TAS2R1: variants seen among roughly 807,000 people sequenced by gnomAD.
The protein encoded by TAS2R1 is taste 2 receptor member 1, also known as taste receptor type 2 member 1.
For missense variants in TAS2R1, 370 were observed against 353.4 expected (o/e 1.05, Z -0.38); for synonymous variants, 141 against 134.2 (o/e 1.05, Z -0.35).
At chr5:9,716,283 C>T (rs114287650), upstream of TAS2R1, among the ~76,000 whole-genome samples, 984 of 152,226 alleles carry the variant, frequency 6.5e-3, 5 homozygotes, top group African/African-American at 0.022. Context: ...GGGATTCAAT[C>T]TGTGAGGCAG....
At chr5:9,809,568 G>C in the TAS2R1 span, among the ~76,000 whole-genome samples, 2 of 152,040 alleles carry the variant, frequency 1.3e-5, no homozygotes, top group African/African-American at 4.8e-5. Flanking sequence ...GTTACATCCT[G>C]ATCTTGGACC....
At chr5:9,723,818 T>C in the TAS2R1 span, among the ~76,000 whole-genome samples, 1 of 152,236 alleles carries the variant, frequency 6.6e-6, no homozygotes, top group South Asian at 2.1e-4. Context: ...AGCTGCTCTT[T>C]GCTCTCTTAG....
At chr5:9,876,197 C>T in the TAS2R1 span, among the ~76,000 whole-genome samples, 1 of 151,308 alleles carries the variant, frequency 6.6e-6, no homozygotes, top group Non-Finnish European at 1.5e-5. Flanking sequence ...AGGAAGCTGA[C>T]CCCTGACAAC....
chr5:9,860,625 C>A, the TAS2R1 span, among the ~76,000 whole-genome samples: 110,672 of 151,960 alleles, frequency 0.73, 40,338 homozygotes, highest in East Asian at 0.84. Context: ...TTAGGAAAAG[C>A]CTTCAGCCTG....
At chr5:9,811,777 T>C in the TAS2R1 span, among the ~76,000 whole-genome samples, 1 of 152,172 alleles carries the variant, frequency 6.6e-6, no homozygotes, top group Non-Finnish European at 1.5e-5. Flanking sequence ...CATCTGTGTG[T>C]TTCATAGACA....
At chr5:9,816,388 C>T in the TAS2R1 span, among the ~76,000 whole-genome samples, 6 of 151,476 alleles carry the variant, frequency 4.0e-5, no homozygotes, top group Middle Eastern at 3.2e-3. Flanking sequence ...AGTGAAGATT[C>T]GAAGCATTCT....
the TAS2R1 span, among the ~76,000 whole-genome samples, chr5:9,890,864 G>A: frequency 6.6e-6 from 1 of 152,194 alleles, no homozygotes; most frequent in Non-Finnish European, 1.5e-5. Flanking sequence ...AATGTGAGAT[G>A]AAATGATAAT....
intron 2 of TAS2R1, among the ~76,000 whole-genome samples, chr5:9,646,899 CA>C (rs942929999): frequency 2.0e-5 from 3 of 152,140 alleles, no homozygotes; most frequent in African/African-American, 7.2e-5. Context: ...ACAATGAAAA[CA>C]AATGAATACA....
At chr5:9,656,533 G>T in intron 2 of TAS2R1, among the ~76,000 whole-genome samples, 1 of 152,146 alleles carries the variant, frequency 6.6e-6, no homozygotes, top group East Asian at 1.9e-4. Context: ...GACAAGCAGG[G>T]AAAAATAATT....
At chr5:9,637,345 T>C (rs933256723) in intron 2 of TAS2R1, among the ~76,000 whole-genome samples, 6 of 152,232 alleles carry the variant, frequency 3.9e-5, no homozygotes, top group Admixed American at 1.3e-4. Flanking sequence ...TGCTTTTGTT[T>C]CACAGCTCTT....
At chr5:9,641,922 T>C (rs1442867884) in intron 2 of TAS2R1, 2 of 152,184 alleles carry the variant, frequency 1.3e-5, no homozygotes, top group African/African-American at 4.8e-5. Context: ...ACAAATAGCT[T>C]GGAACAGATG....
intron 2 of TAS2R1, among the ~76,000 whole-genome samples, chr5:9,649,823 G>A (rs767099270): frequency 8.5e-5 from 13 of 152,140 alleles, no homozygotes; most frequent in Admixed American, 7.2e-4. Context: ...AAACAGATGA[G>A]TTAATATCTG....
At chr5:9,811,519 T>A in the TAS2R1 span, among the ~76,000 whole-genome samples, 1 of 152,160 alleles carries the variant, frequency 6.6e-6, no homozygotes, top group Non-Finnish European at 1.5e-5. Flanking sequence ...TTCCTGAGCC[T>A]CGTCTTACAC....
chr5:9,749,560 A>C, the TAS2R1 span, among the ~76,000 whole-genome samples: 1 of 152,234 alleles, frequency 6.6e-6, no homozygotes, highest in Non-Finnish European at 1.5e-5. Flanking sequence ...AGGCTGAGCC[A>C]GGAACAAAAT....
intron 1 of TAS2R1, among the ~76,000 whole-genome samples, chr5:9,667,613 G>A (rs1328971108): frequency 6.6e-6 from 1 of 152,182 alleles, no homozygotes; most frequent in Non-Finnish European, 1.5e-5. Flanking sequence ...GACACATGGA[G>A]CAGAACACCC....
the TAS2R1 span, among the ~76,000 whole-genome samples, chr5:9,832,958 T>A: frequency 7.9e-5 from 12 of 152,268 alleles, no homozygotes; most frequent in South Asian, 2.5e-3. Flanking sequence ...ACATCAGACA[T>A]CAATCAATAT....
At chr5:9,652,094 T>G (rs1226043337) in intron 2 of TAS2R1, among the ~76,000 whole-genome samples, 1 of 152,234 alleles carries the variant, frequency 6.6e-6, no homozygotes, top group Non-Finnish European at 1.5e-5. Flanking sequence ...TATATTCACA[T>G]GACTACATAT....
the TAS2R1 span, among the ~76,000 whole-genome samples, chr5:9,789,415 G>C: frequency 3.9e-5 from 6 of 152,180 alleles, no homozygotes; most frequent in Admixed American, 6.5e-5. Context: ...CAACATGCTT[G>C]AAAAATGGGC....
At chr5:9,796,082 G>A in the TAS2R1 span, among the ~76,000 whole-genome samples, 2 of 152,174 alleles carry the variant, frequency 1.3e-5, no homozygotes, top group African/African-American at 4.8e-5. Flanking sequence ...CTCTTCAAGA[G>A]CCAGAATAAA....
Sources: allele counts gnomAD v4.1 joint callset (sites outside exome capture counted in the v4.1 genomes callset), GRCh38; gene constraint gnomAD v4.1.1; transcripts MANE v1.5; gene names NCBI Gene and HGNC (gene_info 2026-07-23, HGNC 2026-07-21).